The following KAT6B variants were observed in gnomAD, a reference collection of about 807,000 sequenced individuals.
KAT6B encodes lysine acetyltransferase 6B.
In KAT6B, 10 loss-of-function variants were observed where a neutral mutation model predicts 187.5. That is an observed-to-expected ratio of 0.05 (90% CI 0.03 to 0.09). The LOEUF is 0.09. Among genes scored for constraint, KAT6B ranks in the 10% least tolerant of loss-of-function variants. KAT6B has a pLI of 1.00. For missense variants in KAT6B, 1,952 were observed against 2,558.9 expected, an observed-to-expected ratio of 0.76 and a Z score of 5.12; for synonymous variants, 861 against 926.8, an observed-to-expected ratio of 0.93 and a Z score of 1.29.
intron 3 of KAT6B, among the ~76,000 whole-genome samples, chr10:74,857,567 G>C (rs187862363): frequency 3.3e-5 from 5 of 152,320 alleles, no homozygotes; most frequent in Admixed American, 3.3e-4. Flanking sequence ...ATTTTGCCAG[G>C]TAAGGTTCTG....
At chr10:74,867,459 A>C (rs933362321) in intron 3 of KAT6B, among the ~76,000 whole-genome samples, 2 of 152,198 alleles carry the variant, frequency 1.3e-5, no homozygotes, top group African/African-American at 2.4e-5. Flanking sequence ...ATTGAATAAA[A>C]CATATTACCC....
In KAT6B at chr10:75,013,229, G is replaced by T. The variant is rs532017775; in HGVS notation, c.2630-7353G>T. The stretch of plus-strand genomic sequence containing the variant: ...TAAGCAGTCATTGTTTCTGTGGTTG[G>T]ATGGGCTAGCCATTTCCTAAGGGTA... On this transcript the variant is annotated intron_variant, in intron 13 of 17. Transcript: ENST00000287239. Among the ~76,000 whole-genome samples the T allele has an allele frequency of 2.8e-4, 43 of 152,288 alleles. No individual in the cohort carries two copies. The South Asian group carries it at 8.5e-3, about 30-fold the overall frequency.
At chr10:75,002,071 G>A (rs56379401) in intron 13 of KAT6B, among the ~76,000 whole-genome samples, 5,585 of 152,262 alleles carry the variant, frequency 0.037, 151 homozygotes, top group Middle Eastern at 0.061. Context: ...CTGAGGATGG[G>A]TATGGGTAGC....
At chr10:74,984,193 T>C (rs1320111925) in intron 11 of KAT6B, 2 of 152,176 alleles carry the variant, frequency 1.3e-5, no homozygotes, top group Non-Finnish European at 2.9e-5. Context: ...CCGAGGGAAA[T>C]AGTTATATGA....
At chr10:74,914,921 C>T (rs1589611966) in intron 3 of KAT6B, among the ~76,000 whole-genome samples, 1 of 146,506 alleles carries the variant, frequency 6.8e-6, no homozygotes, top group East Asian at 1.9e-4. Context: ...GGCACTCCAT[C>T]TCTTTAAAAT....
intron 4 of KAT6B, among the ~76,000 whole-genome samples, chr10:74,966,581 A>G (rs978681725): frequency 1.3e-5 from 2 of 152,250 alleles, no homozygotes; most frequent in African/African-American, 2.4e-5. Context: ...ATTGTAAGCT[A>G]CTAGTACTTG....
chr10:74,889,919 G>T (rs1845534708), intron 3 of KAT6B, among the ~76,000 whole-genome samples: 1 of 152,170 alleles, frequency 6.6e-6, no homozygotes, highest in East Asian at 1.9e-4. Context: ...CTTCAAGAAG[G>T]GATAAGGTGT....
intron 3 of KAT6B, among the ~76,000 whole-genome samples, chr10:74,880,145 C>T (rs1170852693): frequency 6.6e-6 from 1 of 152,136 alleles, no homozygotes; most frequent in East Asian, 1.9e-4. Context: ...TTAGTATGTT[C>T]ACAAAGTCAT....
chr10:74,990,365 G>A (rs528147350), intron 13 of KAT6B, among the ~76,000 whole-genome samples: 29 of 152,102 alleles, frequency 1.9e-4, no homozygotes, highest in African/African-American at 7.0e-4. Flanking sequence ...ATGTAAATGC[G>A]CTTACAGAAA....
chr10:74,830,665 T>C (rs1840688356), intron 1 of KAT6B, among the ~76,000 whole-genome samples: 2 of 145,034 alleles, frequency 1.4e-5, no homozygotes, highest in Admixed American at 1.4e-4. Flanking sequence ...TTTTTAGCTT[T>C]TATGATTTTA....
intron 3 of KAT6B, among the ~76,000 whole-genome samples, chr10:74,940,280 T>C (rs1256349785): frequency 3.6e-5 from 5 of 138,438 alleles, no homozygotes; most frequent in African/African-American, 1.3e-4. Flanking sequence ...TTTTTCCCCT[T>C]TTTTTTTTTT....
intron 10 of KAT6B, among the ~76,000 whole-genome samples, chr10:74,981,334 CCTT>C (rs1452315315): frequency 1.4e-4 from 20 of 146,804 alleles, no homozygotes; most frequent in East Asian, 1.2e-3. Flanking sequence ...TTCCTTCCTT[CCTT>C]CCTTTCTTCC....
At chr10:74,999,746 G>A (rs1843701066) in intron 13 of KAT6B, among the ~76,000 whole-genome samples, 1 of 152,176 alleles carries the variant, frequency 6.6e-6, no homozygotes, top group Admixed American at 6.5e-5. Context: ...TCTCTTCTGG[G>A]ACGAGACACT....
chr10:74,977,123 A>G, intron 8 of KAT6B, 193 bp from the exon 9 acceptor site: 1 of 502,154 alleles, frequency 2.0e-6, no homozygotes. Flanking sequence ...AAATTCAAAT[A>G]AAAATTTGAG....
chr10:74,872,407 ACT>A (rs1397272674), intron 3 of KAT6B, among the ~76,000 whole-genome samples: 1 of 151,960 alleles, frequency 6.6e-6, no homozygotes, highest in Non-Finnish European at 1.5e-5. Context: ...ACAGAGTCTC[ACT>A]CTGTCACCCA....
At chr10:74,951,048 A>G (rs935247535) in intron 3 of KAT6B, among the ~76,000 whole-genome samples, 3 of 152,014 alleles carry the variant, frequency 2.0e-5, no homozygotes, top group African/African-American at 4.8e-5. Context: ...AAACCGATAC[A>G]TAGTCTTGTT....
At chr10:74,883,556 G>A (rs758752673) in intron 3 of KAT6B, among the ~76,000 whole-genome samples, 1 of 152,046 alleles carries the variant, frequency 6.6e-6, no homozygotes, top group Non-Finnish European at 1.5e-5. Flanking sequence ...TTAAGATCCA[G>A]CAGAAAAAAA....
intron 3 of KAT6B, among the ~76,000 whole-genome samples, chr10:74,844,554 A>G (rs1015500866): frequency 1.3e-5 from 2 of 152,230 alleles, no homozygotes; most frequent in African/African-American, 4.8e-5. Context: ...CCCTCATTTC[A>G]ATAAAAAGTC....
chr10:74,957,376 G>A (rs138994991), intron 3 of KAT6B, among the ~76,000 whole-genome samples: 1 of 152,204 alleles, frequency 6.6e-6, no homozygotes. Context: ...GCATGGCGGG[G>A]TTCGCTTGAA....
Sources: gnomAD v4.1 joint callset for allele counts (sites outside exome capture counted in the v4.1 genomes callset) on GRCh38, gnomAD v4.1.1 for gene constraint, MANE v1.5 for transcripts, NCBI Gene and HGNC (gene_info 2026-07-23, HGNC 2026-07-21) for gene names.